STX3: variants seen among roughly 807,000 people sequenced by gnomAD.
STX3 encodes syntaxin-3.
Under a neutral mutation model 40.2 loss-of-function variants are expected in STX3, and 19 were observed. That is an observed-to-expected ratio of 0.47 (90% CI 0.33 to 0.69). The LOEUF (loss-of-function observed/expected upper bound fraction) is 0.69. STX3 is among the 30% of genes least tolerant of loss of function. The pLI is 0.02. For synonymous variants in STX3, 122 were observed against 132.2 expected, an observed-to-expected ratio of 0.92 and a Z score of 0.53; for missense variants, 364 against 366.7, an observed-to-expected ratio of 0.99 and a Z score of 0.06.
chr11:59,800,715 C>G (rs1865840771), intron 10 of STX3, 140 bp from the exon 11 acceptor site: 2 of 1,465,046 alleles, frequency 1.4e-6, no homozygotes, highest in Non-Finnish European at 1.8e-6. Context: ...TATTTAACTC[C>G]AAGTTCTGTC....
At chr11:59,793,281 C>T in intron 7 of STX3, 99 bp from the exon 8 acceptor site, 1 of 1,606,370 alleles carries the variant, frequency 6.2e-7, no homozygotes, top group Non-Finnish European at 8.5e-7. Flanking sequence ...GCAGGGAGTT[C>T]AGGGAGGCAA....
At position 59,792,087 on chromosome 11, in the gene STX3, C is replaced by T. The variant is rs765129465; in HGVS notation, c.358-20C>T. 20 of 1,600,318 alleles carry T rather than the reference C, an allele frequency of 1.2e-5. No homozygotes were observed. The Admixed American group carries it at 1.3e-4, about 11-fold the overall frequency. On this transcript the variant is annotated intron_variant, in intron 5 of 10. Transcript: ENST00000337979. ...TTACAGAACCACTGGGGCCTGACTGCATTTTACATCATCCCACAGCACTCT... is the reference window on the plus strand; with the variant it reads ...TTACAGAACCACTGGGGCCTGACTGTATTTTACATCATCCCACAGCACTCT...
intron 2 of STX3, among the ~76,000 whole-genome samples, chr11:59,783,029 T>C (rs1864507537): frequency 1.3e-5 from 2 of 151,750 alleles, no homozygotes; most frequent in Admixed American, 1.3e-4. Flanking sequence ...CAATGTGCAA[T>C]GAGAAGGCAC....
At chr11:59,787,990 C>A (rs1281447549) in intron 3 of STX3, among the ~76,000 whole-genome samples, 1 of 152,214 alleles carries the variant, frequency 6.6e-6, no homozygotes, top group African/African-American at 2.4e-5. Context: ...CCTTCCCAGC[C>A]AGCCTGTCTC....
At chr11:59,761,282 A>G (rs1216866605) in intron 1 of STX3, among the ~76,000 whole-genome samples, 2 of 152,148 alleles carry the variant, frequency 1.3e-5, no homozygotes, top group African/African-American at 2.4e-5. Context: ...AAAATCCTAC[A>G]TATCTCCAAA....
At chr11:59,786,784 T>C (rs961036113) in intron 2 of STX3, among the ~76,000 whole-genome samples, 1 of 152,172 alleles carries the variant, frequency 6.6e-6, no homozygotes, top group Non-Finnish European at 1.5e-5. Flanking sequence ...CCTGAATCCT[T>C]TCATCCAAAG....
Position 59,776,160 on chromosome 11 carries a change from G to C in STX3, c.114+2866G>C, listed in dbSNP as rs146210272. Among the ~76,000 whole-genome samples the C allele has an allele frequency of 3.7e-3, 563 of 152,282 alleles. 4 individuals are homozygous for C. The highest frequency in any genetic ancestry group is 0.013 in the African/African-American group (537 of 41,558). ...GGATAAGGCCTTGGGGGAGTGGGGA[G>C]AAGTAAGAGGGAGTGGATCAAGTAG... On this transcript the variant is annotated intron_variant, in intron 2 of 10. Coordinates refer to ENST00000337979, the MANE Select transcript of STX3 (RefSeq NM_004177.5).
rs2228625 is a variant in STX3 at position 59,788,937 on chromosome 11, C to A, written c.279C>A (p.Asn93Lys). ...EIKKRANNVR[N>K]KLKSMEKHIE... Reference sequence around the variant, plus strand: ...AGAAAAGGGCCAACAACGTCCGGAACAAACTGAAGAGTAAGAAGGGAACAA... The same window carrying A: ...AGAAAAGGGCCAACAACGTCCGGAAAAAACTGAAGAGTAAGAAGGGAACAA... The change falls in exon 4 of 11, where the codon AAC becomes AAA. Residue 93 changes from asparagine (N) to lysine (K), a missense_variant. Coordinates refer to ENST00000337979, the MANE Select transcript of STX3 (RefSeq NM_004177.5). 78 of 1,609,500 alleles carry A rather than the reference C, an allele frequency of 4.8e-5. No homozygotes were observed. Among genetic ancestry groups the A allele is most frequent in the Non-Finnish European group, 6.3e-5 (74 of 1,177,688 alleles).
At chr11:59,757,923 C>G (rs560269863) in intron 1 of STX3, among the ~76,000 whole-genome samples, 2 of 152,334 alleles carry the variant, frequency 1.3e-5, no homozygotes, top group African/African-American at 2.4e-5. Flanking sequence ...GGATCACCCT[C>G]ACTGAAACAA....
In STX3 at chr11:59,782,989, G is replaced by A. The variant is rs566697099; in HGVS notation, c.115-4048G>A. 1.1e-4 allele frequency among the ~76,000 whole-genome samples: 16 copies of A among 150,228 alleles called. No individual in the cohort carries two copies. In the South Asian group the frequency reaches 3.3e-3, roughly 31 times the overall value. On this transcript the variant is annotated intron_variant, in intron 2 of 10. Coordinates refer to ENST00000337979, the MANE Select transcript of STX3 (RefSeq NM_004177.5). ...ACTCTAGCCTGGGCAACAGAGCAAGGCTTTGTCTCAAAAAAAAAAAATTAA... is the reference window on the plus strand; with the variant it reads ...ACTCTAGCCTGGGCAACAGAGCAAGACTTTGTCTCAAAAAAAAAAAATTAA...
intron 1 of STX3, among the ~76,000 whole-genome samples, chr11:59,761,380 G>A (rs523016): frequency 0.11 from 16,655 of 152,166 alleles, 1,264 homozygotes; most frequent in African/African-American, 0.2. Flanking sequence ...TTTTGGTGGT[G>A]TATACAAATA....
At chr11:59,799,457 A>G (rs1865743040) in intron 10 of STX3, among the ~76,000 whole-genome samples, 1 of 152,156 alleles carries the variant, frequency 6.6e-6, no homozygotes, top group African/African-American at 2.4e-5. Context: ...CATACTCTCA[A>G]ATATTTAACA....
At position 59,793,171 on chromosome 11, in the gene STX3, G is replaced by A. The variant is rs779136245; in HGVS notation, c.539G>A (p.Gly180Glu). 39 of 1,612,980 alleles carry A rather than the reference G, an allele frequency of 2.4e-5. No homozygotes were observed. The highest frequency in any genetic ancestry group is 3.2e-5 in the Non-Finnish European group (38 of 1,179,876). ...GGCAACCCGGCCATCTTCACTTCTG[G>A]GGTGAGTGCCCTGTGTGCTCGGATA... Reference protein sequence around the residue: ...ESGNPAIFTSGIIDSQISKQA... With the variant: ...ESGNPAIFTSEIIDSQISKQA... The change falls in exon 7 of 11, where the codon GGG becomes GAG. Residue 180 changes from glycine to glutamate, a missense_variant and splice_region_variant. Gly to Glu is a moderately conservative substitution (Grantham distance 98, BLOSUM62 -2). Transcript: ENST00000337979.
chr11:59,767,794 G>A (rs1863351020), intron 1 of STX3, among the ~76,000 whole-genome samples: 2 of 152,238 alleles, frequency 1.3e-5, no homozygotes, highest in South Asian at 4.1e-4. Flanking sequence ...TTTGGGCCTT[G>A]GTTTCCCCCT....
intron 8 of STX3, 64 bp from the exon 9 acceptor site, chr11:59,795,308 C>T (rs1865444238): frequency 2.3e-6 from 3 of 1,328,378 alleles, no homozygotes; most frequent in East Asian, 2.4e-5. Flanking sequence ...AGAATCCCTT[C>T]CCCGCATTGG....
intron 6 of STX3, among the ~76,000 whole-genome samples, chr11:59,792,497 A>G (rs1313539925): frequency 6.6e-6 from 1 of 152,212 alleles, no homozygotes; most frequent in Non-Finnish European, 1.5e-5. Context: ...TCATTGTATC[A>G]TTTTGCTGTC....
Position 59,795,388 on chromosome 11 carries a change from A to G in STX3, c.692A>G (p.Asn231Ser). 1.2e-6 allele frequency: 2 copies of G among 1,613,242 alleles called. No homozygotes were observed. The highest frequency in any genetic ancestry group is 1.7e-6 in the Non-Finnish European group (2 of 1,179,722). ...TCTTTGCAGGGTGAGATGTTAGATA[A>G]CATAGAGTTGAATGTCATGCACACA... ...LVENQGEMLDNIELNVMHTVD... is the reference protein window; with the variant it reads ...LVENQGEMLDSIELNVMHTVD... Residue 231 changes from asparagine to serine, a missense_variant, in exon 9 of 11, where the codon AAC becomes AGC. By Grantham distance (46) the Asn-to-Ser change is conservative. Transcript: ENST00000337979.
At chr11:59,776,098 A>T (rs1239338052) in intron 2 of STX3, among the ~76,000 whole-genome samples, 1 of 152,196 alleles carries the variant, frequency 6.6e-6, no homozygotes, top group Non-Finnish European at 1.5e-5. Context: ...CAGCAGTGTT[A>T]CTTTCCTCTT....
In STX3 at chr11:59,802,580, G is replaced by A. The variant is rs1865929499; in HGVS notation, c.*1756G>A. On this transcript the variant is annotated 3_prime_UTR_variant, in exon 11 of 11. Transcript: ENST00000337979. Reference sequence around the variant, plus strand: ...GGCCTTTGCTCTCCTCTGACATTGAGGCCTGGGGCTTACAGTTTGGAATAC... The same window carrying A: ...GGCCTTTGCTCTCCTCTGACATTGAAGCCTGGGGCTTACAGTTTGGAATAC... 1.0e-6 allele frequency: 1 copy of A among 985,756 alleles called. No individual in the cohort carries two copies. Among genetic ancestry groups the A allele is most frequent in the South Asian group, 4.7e-5 (1 of 21,290 alleles). 61.1% of individuals were successfully genotyped at this position (985,756 alleles called of 1,614,324 possible).
Sources: gnomAD v4.1 joint callset for allele counts (sites outside exome capture counted in the v4.1 genomes callset) on GRCh38, gnomAD v4.1.1 for gene constraint, MANE v1.5 for transcripts, NCBI Gene and HGNC (gene_info 2026-07-23, HGNC 2026-07-21) for gene names.